Variants in RBM19 observed in about 807,000 individuals in gnomAD.
RBM19 encodes the protein RNA binding motif protein 19.
In RBM19, 94 loss-of-function variants were observed where a neutral mutation model predicts 116.8. The ratio of observed to expected loss-of-function variants is 0.80; its 90% CI spans 0.68 to 0.95. The LOEUF (loss-of-function observed/expected upper bound fraction) is 0.95. Ranked by LOEUF, RBM19 falls within the 40% of genes least tolerant of loss-of-function variation. RBM19 has a pLI of 0.00. For missense variants in RBM19, 1,161 were observed against 1,220.7 expected (o/e 0.95, Z 0.73); for synonymous variants, 475 against 494.1 (o/e 0.96, Z 0.51).
At chr12:113,850,369 T>G (rs911806429) in intron 22 of RBM19, among the ~76,000 whole-genome samples, 7 of 152,232 alleles carry the variant, frequency 4.6e-5, no homozygotes, top group African/African-American at 1.7e-4. Context: ...GCTCTCTGGC[T>G]CTGCTGTCCT....
At chr12:113,937,755 TA>T (rs35507198) in intron 15 of RBM19, among the ~76,000 whole-genome samples, 6,568 of 118,556 alleles carry the variant, frequency 0.055, 355 homozygotes, top group Admixed American at 0.15. Flanking sequence ...TCCTGCCTCT[TA>T]AAAAAAAAAA....
At chr12:113,958,096 C>G (rs750596387) in intron 5 of RBM19, 46 bp from the exon 6 acceptor site, 1 of 1,553,896 alleles carries the variant, frequency 6.4e-7, no homozygotes, top group South Asian at 1.2e-5. Flanking sequence ...ATGAGCAAAC[C>G]AGAGGTCAGA....
intron 21 of RBM19, among the ~76,000 whole-genome samples, chr12:113,889,486 G>A (rs1439951920): frequency 1.3e-5 from 2 of 152,152 alleles, no homozygotes; most frequent in African/African-American, 4.8e-5. Flanking sequence ...AAACAAAAAT[G>A]ACACATGGTC....
intron 23 of RBM19, among the ~76,000 whole-genome samples, chr12:113,836,551 C>T (rs1033507984): frequency 1.3e-5 from 2 of 152,162 alleles, no homozygotes; most frequent in Middle Eastern, 3.4e-3. Flanking sequence ...AGTAAGGAAC[C>T]TGGATAAGCA....
At chr12:113,906,937 G>A (rs756037184) in intron 21 of RBM19, among the ~76,000 whole-genome samples, 4 of 152,068 alleles carry the variant, frequency 2.6e-5, no homozygotes, top group Non-Finnish European at 5.9e-5. Context: ...AAGGAAGAAC[G>A]CCAGAGACGA....
intron 21 of RBM19, among the ~76,000 whole-genome samples, chr12:113,881,015 A>G (rs961693673): frequency 1.3e-5 from 2 of 152,180 alleles, no homozygotes; most frequent in Non-Finnish European, 2.9e-5. Context: ...TGTGAACATC[A>G]GTACCCACAT....
chr12:113,885,971 C>A (rs1880487266), intron 21 of RBM19, among the ~76,000 whole-genome samples: 1 of 150,282 alleles, frequency 6.7e-6, no homozygotes, highest in African/African-American at 2.5e-5. Flanking sequence ...CGGGTTCATG[C>A]AATTCTCCTG....
chr12:113,924,859 T>TG, intron 17 of RBM19, 102 bp from the exon 18 acceptor site: 1 of 959,156 alleles, frequency 1.0e-6, no homozygotes, highest in South Asian at 1.3e-5. Context: ...ATGGACACCT[T>TG]GGGGTCCCAA....
At chr12:113,838,587 G>A (rs767753507) in intron 23 of RBM19, among the ~76,000 whole-genome samples, 2 of 152,200 alleles carry the variant, frequency 1.3e-5, no homozygotes, top group Non-Finnish European at 2.9e-5. Context: ...ATAAAATGAT[G>A]TTATCTGAGG....
intron 23 of RBM19, among the ~76,000 whole-genome samples, chr12:113,836,879 G>A (rs923466364): frequency 3.7e-4 from 33 of 89,542 alleles, no homozygotes; most frequent in Admixed American, 4.6e-4. Context: ...AGGCATACCT[G>A]TCCTCCTACT....
chr12:113,848,950 T>C (rs897434779), intron 22 of RBM19, among the ~76,000 whole-genome samples: 7 of 152,216 alleles, frequency 4.6e-5, no homozygotes, highest in Non-Finnish European at 1.0e-4. Context: ...TCCAAGCATA[T>C]GACCTCAGCC....
intron 16 of RBM19, among the ~76,000 whole-genome samples, chr12:113,933,471 G>A (rs73210914): frequency 2.0e-5 from 3 of 152,286 alleles, no homozygotes; most frequent in South Asian, 4.1e-4. Context: ...CACCGATGAC[G>A]CGGGACACAG....
chr12:113,871,364 G>T (rs1038552606), intron 21 of RBM19, among the ~76,000 whole-genome samples: 1 of 152,232 alleles, frequency 6.6e-6, no homozygotes, highest in Non-Finnish European at 1.5e-5. Flanking sequence ...GAGTTGAAAA[G>T]GGCACTGGGA....
At position 113,836,791 on chromosome 12, in the gene RBM19, T is replaced by C. The variant is rs146894408; in HGVS notation, c.2785+7877A>G. On this transcript the variant is annotated intron_variant, in intron 23 of 23. Coordinates refer to ENST00000261741, the MANE Select transcript of RBM19 (RefSeq NM_016196.4). ...TCCTATCCCAAGCAATGCTTATGTG[T>C]CAGGCATACCTGTCCTCCTACTTAC... Among the ~76,000 whole-genome samples the C allele has an allele frequency of 2.0e-4, 31 of 151,650 alleles. 1 individual carries two copies. The highest frequency in any genetic ancestry group is 7.3e-4 in the African/African-American group (30 of 41,278).
At chr12:113,901,954 AC>A (rs1479153215) in intron 21 of RBM19, among the ~76,000 whole-genome samples, 1 of 152,126 alleles carries the variant, frequency 6.6e-6, no homozygotes, top group Non-Finnish European at 1.5e-5. Context: ...CTTTTAAAAA[AC>A]CTTTGAATTT....
At chr12:113,906,432 TTA>T (rs1882050112) in intron 21 of RBM19, among the ~76,000 whole-genome samples, 1 of 152,158 alleles carries the variant, frequency 6.6e-6, no homozygotes, top group Non-Finnish European at 1.5e-5. Context: ...TTTTTCGAAG[TTA>T]AGAGAGTGGC....
intron 21 of RBM19, among the ~76,000 whole-genome samples, chr12:113,884,499 T>A (rs914383533): frequency 1.3e-5 from 2 of 151,966 alleles, no homozygotes. Flanking sequence ...CTGCTGACCA[T>A]CCCATAATGC....
At chr12:113,837,527 G>A (rs1728125201) in intron 23 of RBM19, among the ~76,000 whole-genome samples, 1 of 152,216 alleles carries the variant, frequency 6.6e-6, no homozygotes, top group Non-Finnish European at 1.5e-5. Flanking sequence ...TTCCCTTGGA[G>A]CCCCACCGTT....
At chr12:113,855,470 G>A (rs1413012835) in intron 22 of RBM19, among the ~76,000 whole-genome samples, 2 of 152,222 alleles carry the variant, frequency 1.3e-5, no homozygotes, top group African/African-American at 4.8e-5. Context: ...AGAGGTGGCC[G>A]ATGCCAACAC....
Sources: allele counts gnomAD v4.1 joint callset (sites outside exome capture counted in the v4.1 genomes callset), GRCh38; gene constraint gnomAD v4.1.1; transcripts MANE v1.5; gene names NCBI Gene and HGNC (gene_info 2026-07-23, HGNC 2026-07-21).